The following CCKAR variants were observed in gnomAD, a reference collection of about 807,000 sequenced individuals.
The protein encoded by CCKAR is cholecystokinin A receptor.
In CCKAR, 21 loss-of-function variants were observed where a neutral mutation model predicts 29.8. The ratio of observed to expected loss-of-function variants is 0.70; its 90% CI spans 0.50 to 1.01. The LOEUF (loss-of-function observed/expected upper bound fraction) is 1.01, where lower values mean the gene tolerates loss of function less well. CCKAR is among the 50% of genes least tolerant of loss of function. The probability of loss-of-function intolerance (pLI) is 0.00; values close to 1 mark genes in which losing one functional copy is unlikely to be tolerated. For synonymous variants in CCKAR, 238 were observed against 221.3 expected, an observed-to-expected ratio of 1.08 and a Z score of -0.67; for missense variants, 570 against 560.6, an observed-to-expected ratio of 1.02 and a Z score of -0.17.
At chr4:26,487,122 C>T (rs1737466409) in intron 2 of CCKAR, among the ~76,000 whole-genome samples, 1 of 152,154 alleles carries the variant, frequency 6.6e-6, no homozygotes, top group African/African-American at 2.4e-5. Context: ...TAAATTCTGT[C>T]AATTCTTCTG....
Position 26,482,274 on chromosome 4 carries a change from A to T in CCKAR, c.755-104T>A, listed in dbSNP as rs1159455411. On this transcript the variant is annotated intron_variant, in intron 4 of 4. Transcript: ENST00000295589. ...ATCAAGAAGTCCAAACCAAACAGGA[A>T]CTGAGAAATGGCAGACAACCTGGCC... The T allele has an allele frequency of 3.2e-5, 35 of 1,091,338 alleles. No homozygotes were observed. In the East Asian group the frequency reaches 7.8e-4, roughly 24 times the overall value. 67.6% of individuals were successfully genotyped at this position (1,091,338 alleles called of 1,614,324 possible).
rs200308893 is a variant in CCKAR, at chr4:26,481,738, G to A, written c.1187C>T (p.Ala396Val). Residue 396 changes from alanine (A) to valine (V), a missense_variant, in exon 5 of 5, where the codon GCG (alanine) becomes GTG (valine). Physicochemically the swap from Ala to Val is moderately conservative, Grantham distance 64 (BLOSUM62 0). Transcript: ENST00000295589. ...PCCPNPGPPG[A>V]RGEVGEEEEG... Reference sequence around the variant, plus strand: ...CTCCTCCTCCCCCACCTCTCCCCTCGCCCCTGGGGGACCAGGATTGGGGCA... The same window carrying A: ...CTCCTCCTCCCCCACCTCTCCCCTCACCCCTGGGGGACCAGGATTGGGGCA... 1.2e-6 allele frequency: 2 copies of A among 1,614,086 alleles called. No individual in the cohort carries two copies. Among genetic ancestry groups the A allele is most frequent in the Non-Finnish European group, 8.5e-7 (1 of 1,179,988 alleles).
chr4:26,484,957 C>T (rs182737523), intron 3 of CCKAR, among the ~76,000 whole-genome samples: 5 of 151,484 alleles, frequency 3.3e-5, no homozygotes, highest in East Asian at 3.9e-4. Flanking sequence ...TTTGGGAGGT[C>T]GAGGCGGGTG....
chr4:26,481,825 G>C lies in CCKAR; in HGVS notation c.1100C>G (p.Pro367Arg), dbSNP rs761063068. Residue 367 changes from proline (P) to arginine (R), a missense_variant, in exon 5 of 5, where the codon CCC becomes CGC. Coordinates refer to ENST00000295589, the MANE Select transcript of CCKAR (RefSeq NM_000730.3). ...LLSYTSSCVNPIIYCFMNKRF... is the reference protein window; with the variant it reads ...LLSYTSSCVNRIIYCFMNKRF... Reference sequence around the variant, plus strand: ...TTTGTTCATGAAGCAGTAGATGATGGGGTTGACGCAGGAGGAGGTGTAGGA... The same window carrying C: ...TTTGTTCATGAAGCAGTAGATGATGCGGTTGACGCAGGAGGAGGTGTAGGA... 2.0e-5 allele frequency: 32 copies of C among 1,613,786 alleles called. No homozygotes were observed. In the South Asian group the frequency reaches 3.5e-4, roughly 18 times the overall value.
At position 26,482,102 on chromosome 4, in the gene CCKAR, T is replaced by C; in HGVS notation, c.823A>G (p.Arg275Gly). The stretch of plus-strand genomic sequence containing the variant: ...CGGAGCTCCAGCTTCCTCGGGGGCC[T>C]GGTCTTTTGCAGGTAACACCCATCG... Reference protein sequence around the residue: ...DSDGCYLQKTRPPRKLELRQL... With the variant: ...DSDGCYLQKTGPPRKLELRQL... The change falls in exon 5 of 5, where the codon AGG (arginine) becomes GGG (glycine). Residue 275 changes from arginine to glycine, a missense_variant. By Grantham distance (125) the Arg-to-Gly change is moderately radical (BLOSUM62 -2). Coordinates refer to ENST00000295589, the MANE Select transcript of CCKAR (RefSeq NM_000730.3). 1.2e-6 allele frequency: 2 copies of C among 1,614,176 alleles called. No individual in the cohort carries two copies. Among genetic ancestry groups the C allele is most frequent in the Non-Finnish European group, 1.7e-6 (2 of 1,180,032 alleles).
intron 2 of CCKAR, among the ~76,000 whole-genome samples, chr4:26,488,188 G>A (rs1158706820): frequency 1.3e-5 from 2 of 152,038 alleles, no homozygotes; most frequent in Non-Finnish European, 2.9e-5. Context: ...CTCAGAAAGG[G>A]CAAGGGACTA....
intron 3 of CCKAR, among the ~76,000 whole-genome samples, chr4:26,483,508 G>T (rs879441261): frequency 6.6e-6 from 1 of 152,080 alleles, no homozygotes; most frequent in Admixed American, 6.5e-5. Context: ...TAGTTTAATT[G>T]GAAAAGTTTG....
chr4:26,482,204 G>T (rs1252930775), intron 4 of CCKAR, 34 bp from the exon 5 acceptor site: 6 of 1,573,036 alleles, frequency 3.8e-6, no homozygotes, highest in Non-Finnish European at 5.2e-6. Flanking sequence ...CATTGCTGGG[G>T]ATGGGTCATG....
chr4:26,483,000 TG>T (rs1321517674), intron 4 of CCKAR, among the ~76,000 whole-genome samples, 155 bp downstream of exon 4: 1 of 152,220 alleles, frequency 6.6e-6, no homozygotes, highest in Non-Finnish European at 1.5e-5. Context: ...AATGAAATAC[TG>T]GGCCCGTGAC....
chr4:26,488,565 T>C (rs1175983686), intron 2 of CCKAR, among the ~76,000 whole-genome samples: 1 of 152,194 alleles, frequency 6.6e-6, no homozygotes. Flanking sequence ...GGCAAAGAGC[T>C]ATATATCTCA....
In CCKAR at chr4:26,485,630, A is replaced by T; in HGVS notation, c.626+7T>A. 6.2e-7 allele frequency: 1 copy of T among 1,612,846 alleles called. No homozygotes were observed. The highest frequency in any genetic ancestry group is 8.5e-7 in the Non-Finnish European group (1 of 1,178,900). Reference sequence around the variant, plus strand: ...TGTATTTTTAAAAATAAACAATGCAACCTTACCAGGACTGCTGCATAACAT... The same window carrying T: ...TGTATTTTTAAAAATAAACAATGCATCCTTACCAGGACTGCTGCATAACAT... On this transcript the variant is annotated splice_region_variant and intron_variant, in intron 3 of 4. Transcript: ENST00000295589.
rs142103130 is a variant in CCKAR, at chr4:26,489,684, G to T, written c.113-200C>A. The stretch of plus-strand genomic sequence containing the variant: ...TGAATTATTTTCTTTTTAGAAGGTT[G>T]GTTTGTTAAAGGATCACTCAGGGAA... On this transcript the variant is annotated intron_variant, in intron 1 of 4. Coordinates refer to ENST00000295589, the MANE Select transcript of CCKAR (RefSeq NM_000730.3). 4.9e-3 allele frequency among the ~76,000 whole-genome samples: 745 copies of T among 152,286 alleles called. 4 individuals are homozygous for T. The highest frequency in any genetic ancestry group is 0.016 in the African/African-American group (684 of 41,552).
At chr4:26,489,209 A>C (rs779011641) in intron 2 of CCKAR, 24 bp downstream of exon 2, 27 of 1,613,206 alleles carry the variant, frequency 1.7e-5, no homozygotes, top group Non-Finnish European at 2.2e-5. Context: ...CAAGCTCCAG[A>C]AAGAGTCACC....
Position 26,482,133 on chromosome 4 carries a change from C to T in CCKAR, c.792G>A (p.Glu264=). 1.2e-6 allele frequency: 2 copies of T among 1,612,472 alleles called. No individual in the cohort carries two copies. The highest frequency in any genetic ancestry group is 1.7e-6 in the Non-Finnish European group (2 of 1,178,688). Residue 264 remains glutamate (E), a synonymous_variant, in exon 5 of 5, where the codon GAG becomes GAA. Transcript: ENST00000295589. The part of the protein sequence containing the change: ...KPSTTSSGKY[E]DSDGCYLQKT... ...TTTGCAGGTAACACCCATCGCTGTC[C>T]TCATATTTGCCGCTGCTGGTGGTGC...
At chr4:26,482,218 G>T in intron 4 of CCKAR, 48 bp from the exon 5 acceptor site, 1 of 1,525,884 alleles carries the variant, frequency 6.6e-7, no homozygotes, top group Non-Finnish European at 8.9e-7. Context: ...GGTCATGCCC[G>T]GTAGAAGGCA....
At chr4:26,488,521 A>T (rs1401867605) in intron 2 of CCKAR, among the ~76,000 whole-genome samples, 1 of 152,222 alleles carries the variant, frequency 6.6e-6, no homozygotes, top group African/African-American at 2.4e-5. Context: ...TTTAGCTCTT[A>T]TGATTTTCAT....
intron 3 of CCKAR, 49 bp downstream of exon 3, chr4:26,485,588 G>A (rs749451615): frequency 1.3e-6 from 2 of 1,597,872 alleles, no homozygotes; most frequent in East Asian, 2.2e-5. Context: ...TCATGATATT[G>A]CAAAATTACA....
chr4:26,482,121 C>T lies in CCKAR; in HGVS notation c.804G>A (p.Gly268=). 3 of 1,614,056 alleles carry T rather than the reference C, an allele frequency of 1.9e-6. No individual in the cohort carries two copies. Among genetic ancestry groups the T allele is most frequent in the Non-Finnish European group, 2.5e-6 (3 of 1,179,958 alleles). The part of the protein sequence containing the change: ...TSSGKYEDSD[G]CYLQKTRPPR... ...GGGGCCTGGTCTTTTGCAGGTAACACCCATCGCTGTCCTCATATTTGCCGC... is the reference window on the plus strand; with the variant it reads ...GGGGCCTGGTCTTTTGCAGGTAACATCCATCGCTGTCCTCATATTTGCCGC... Residue 268 remains glycine, a synonymous_variant, in exon 5 of 5, where the codon GGG becomes GGA. Coordinates refer to ENST00000295589, the MANE Select transcript of CCKAR (RefSeq NM_000730.3).
Position 26,481,816 on chromosome 4 carries a change from TA to T in CCKAR, c.1108del (p.Tyr370ThrfsTer4). On this transcript the variant is annotated frameshift_variant, in exon 5 of 5. Transcript: ENST00000295589. LOFTEE classifies it high-confidence loss of function. ...GCGGAAGCGTTTGTTCATGAAGCAG[TA>T]GATGATGGGGTTGACGCAGGAGGAG... ...YTSSCVNPII[Y>X]CFMNKRFRLG... 6.2e-7 allele frequency: 1 copy of T among 1,613,644 alleles called. No homozygotes were observed. Among genetic ancestry groups the T allele is most frequent in the Non-Finnish European group, 8.5e-7 (1 of 1,179,816 alleles).
Sources: gnomAD v4.1 joint callset for allele counts (sites outside exome capture counted in the v4.1 genomes callset) on GRCh38, gnomAD v4.1.1 for gene constraint, MANE v1.5 for transcripts, NCBI Gene and HGNC (gene_info 2026-07-23, HGNC 2026-07-21) for gene names.